Variants in BANK1 observed in about 807,000 individuals in gnomAD.
The protein encoded by BANK1 is B cell scaffold protein with ankyrin repeats 1.
In BANK1, 95 loss-of-function variants were observed where a neutral mutation model predicts 94.5. That is an observed-to-expected ratio of 1.00 (90% CI 0.85 to 1.19). The LOEUF is 1.19. BANK1 is among the 50% of genes most tolerant of loss of function. BANK1 has a pLI of 0.00. For synonymous variants in BANK1, 334 were observed against 308.4 expected (o/e 1.08, Z -0.87); for missense variants, 987 against 932.2 (o/e 1.06, Z -0.77).
chr4:102,029,336 A>G (rs968378458), intron 9 of BANK1, among the ~76,000 whole-genome samples: 1 of 152,090 alleles, frequency 6.6e-6, no homozygotes, highest in African/African-American at 2.4e-5. Context: ...TTTTCAGAGA[A>G]ATTAAATTTT....
At chr4:101,980,283 T>C (rs1048654510) in intron 7 of BANK1, among the ~76,000 whole-genome samples, 1 of 151,890 alleles carries the variant, frequency 6.6e-6, no homozygotes, top group African/African-American at 2.4e-5. Flanking sequence ...AAATCGTTTA[T>C]CCATTTTGAA....
intron 7 of BANK1, chr4:101,981,932 GA>G (rs1313209041): frequency 6.6e-6 from 1 of 152,110 alleles, no homozygotes; most frequent in African/African-American, 2.4e-5. Context: ...TCTGCTTTTT[GA>G]AGCTAAACTA....
intron 9 of BANK1, among the ~76,000 whole-genome samples, chr4:102,026,098 C>T (rs1189810375): frequency 1.3e-5 from 2 of 152,096 alleles, no homozygotes; most frequent in Non-Finnish European, 1.5e-5. Flanking sequence ...GAAGAAGAGT[C>T]AACATAGCTA....
chr4:102,030,417 T>C, intron 10 of BANK1, 152 bp downstream of exon 10: 1 of 679,948 alleles, frequency 1.5e-6, no homozygotes, highest in South Asian at 2.7e-5. Flanking sequence ...CTGGCTCATT[T>C]TTTTTCCACT....
intron 7 of BANK1, among the ~76,000 whole-genome samples, chr4:102,011,711 A>C (rs2148942310): frequency 6.6e-6 from 1 of 152,314 alleles, no homozygotes; most frequent in Admixed American, 6.5e-5. Flanking sequence ...CTTCTACCAG[A>C]AAAGTTTTCC....
At chr4:101,791,385 T>C (rs7683892) in intron 1 of BANK1, among the ~76,000 whole-genome samples, 86,766 of 152,046 alleles carry the variant, frequency 0.57, 24,789 homozygotes, top group South Asian at 0.68. Flanking sequence ...CTGCCCGGCC[T>C]GACAAATCCC....
chr4:101,864,135 T>C (rs757260608), intron 4 of BANK1, among the ~76,000 whole-genome samples: 3 of 152,196 alleles, frequency 2.0e-5, no homozygotes, highest in Non-Finnish European at 4.4e-5. Context: ...AACCACTGTT[T>C]ACCAACTATC....
At chr4:102,010,122 A>G (rs189908943) in intron 7 of BANK1, among the ~76,000 whole-genome samples, 39,765 of 150,840 alleles carry the variant, frequency 0.26, 5,623 homozygotes, top group East Asian at 0.39. Flanking sequence ...AAAATTAGCC[A>G]GGTGTGGTGG....
At chr4:101,856,888 C>T (rs1321701952) in intron 3 of BANK1, among the ~76,000 whole-genome samples, 2 of 152,000 alleles carry the variant, frequency 1.3e-5, no homozygotes, top group African/African-American at 4.8e-5. Context: ...AGTGCCAGCC[C>T]CACATTCTAA....
At chr4:102,055,925 A>G (rs1728212673) in intron 11 of BANK1, among the ~76,000 whole-genome samples, 1 of 152,100 alleles carries the variant, frequency 6.6e-6, no homozygotes, top group South Asian at 2.1e-4. Flanking sequence ...ATAATTAAGA[A>G]GAATTGAAAG....
At chr4:101,845,903 G>C (rs1462404423) in intron 2 of BANK1, among the ~76,000 whole-genome samples, 1 of 150,714 alleles carries the variant, frequency 6.6e-6, no homozygotes, top group African/African-American at 2.5e-5. Context: ...TTAAGGTACA[G>C]GTGCACAACG....
At chr4:101,886,147 A>C (rs1291968537) in intron 5 of BANK1, among the ~76,000 whole-genome samples, 1 of 152,250 alleles carries the variant, frequency 6.6e-6, no homozygotes, top group Non-Finnish European at 1.5e-5. Context: ...GACCAAGGGT[A>C]CTGTAAGACA....
At chr4:101,930,249 C>A (rs1327214575) in intron 7 of BANK1, among the ~76,000 whole-genome samples, 2 of 150,950 alleles carry the variant, frequency 1.3e-5, no homozygotes, top group Non-Finnish European at 3.0e-5. Context: ...CCCATTCTCT[C>A]TTTGTGTGTG....
chr4:101,814,833 T>C (rs988929717), intron 1 of BANK1, among the ~76,000 whole-genome samples: 5 of 152,210 alleles, frequency 3.3e-5, no homozygotes, highest in Admixed American at 6.6e-5. Context: ...CACACCATAA[T>C]ATTCATGTGA....
intron 1 of BANK1, among the ~76,000 whole-genome samples, chr4:101,803,460 T>A (rs1267649573): frequency 6.6e-6 from 1 of 152,110 alleles, no homozygotes; most frequent in Non-Finnish European, 1.5e-5. Context: ...TAAGTTAGGG[T>A]TGTGCTAGCG....
At position 102,074,357 on chromosome 4, in the gene BANK1, A is replaced by T. The variant is rs1728854921; in HGVS notation, c.*358A>T. The T allele has an allele frequency of 6.6e-6, 1 of 152,066 alleles. No individual in the cohort carries two copies. The highest frequency in any genetic ancestry group is 1.5e-5 in the Non-Finnish European group (1 of 67,910). The allele number at this position is 152,066 out of a possible 1,614,324, so 9.4% of individuals were successfully genotyped here. A position where few individuals can be genotyped will look rare whatever the true frequency, so the allele number is the denominator to read the frequency against. On this transcript the variant is annotated 3_prime_UTR_variant, in exon 17 of 17. Transcript: ENST00000322953. ...GTTATGGGGTCTGCTTGAGGGCACT[A>T]ACCTCAACAGATTATTCCTCCTCTC...
At chr4:101,894,821 A>G (rs980992306) in intron 5 of BANK1, among the ~76,000 whole-genome samples, 1 of 151,986 alleles carries the variant, frequency 6.6e-6, no homozygotes, top group South Asian at 2.1e-4. Context: ...AGAAAGGCCA[A>G]GATAAATATT....
chr4:102,005,549 A>T (rs988693764), intron 7 of BANK1, among the ~76,000 whole-genome samples: 1 of 152,100 alleles, frequency 6.6e-6, no homozygotes, highest in Non-Finnish European at 1.5e-5. Flanking sequence ...AGAAGGATGG[A>T]AAGAACTGGT....
intron 10 of BANK1, among the ~76,000 whole-genome samples, chr4:102,031,390 C>A (rs528489854): frequency 3.3e-5 from 5 of 152,152 alleles, no homozygotes; most frequent in Non-Finnish European, 5.9e-5. Context: ...CTGTAGGTTG[C>A]GTGTTCACTC....
Sources: gnomAD v4.1 joint callset for allele counts (sites outside exome capture counted in the v4.1 genomes callset) on GRCh38, gnomAD v4.1.1 for gene constraint, MANE v1.5 for transcripts, NCBI Gene and HGNC (gene_info 2026-07-23, HGNC 2026-07-21) for gene names.